ANXA4: variants seen among roughly 807,000 people sequenced by gnomAD.
ANXA4 encodes the protein 35-beta calcimedin.
ANXA4 carries 39 observed loss-of-function variants against 49.8 expected under a neutral mutation model. The ratio of observed to expected loss-of-function variants is 0.78; its 90% CI spans 0.61 to 1.02. The LOEUF (loss-of-function observed/expected upper bound fraction) is 1.02, where lower values mean the gene tolerates loss of function less well. Among genes scored for constraint, ANXA4 ranks in the 50% least tolerant of loss-of-function variants. The pLI is 0.00. For synonymous variants in ANXA4, 134 were observed against 152.5 expected, an observed-to-expected ratio of 0.88 and a Z score of 0.89; for missense variants, 360 against 410.1, an observed-to-expected ratio of 0.88 and a Z score of 1.05.
chr2:69,678,715 C>T (rs1341642751), intron 2 of ANXA4, among the ~76,000 whole-genome samples: 1 of 152,128 alleles, frequency 6.6e-6, no homozygotes, highest in Non-Finnish European at 1.5e-5. Context: ...TCTATTTCTA[C>T]TTTCAACAGA....
rs777450997 is a variant in ANXA4, at chr2:69,648,888, C to CT, written n.481+3998dup. Among the ~76,000 whole-genome samples, 415 of 105,776 alleles carry CT rather than the reference C, an allele frequency of 3.9e-3. 1 individual carries two copies. The highest frequency in any genetic ancestry group is 0.017 in the Middle Eastern group (3 of 174). The allele number at this position is 105,776 out of a possible 152,430, so 69.4% of individuals were successfully genotyped here. On this transcript the variant is annotated intron_variant and non_coding_transcript_variant, in intron 1 of 3. Transcript: ENST00000418066. ...ATTTTTAATTTTCTTTCTTTCTTTT[C>CT]TTTTTTTTTTTTTTTGAGATGGAGT...
At position 69,702,336 on chromosome 2, in the gene ANXA4, A is replaced by G. The variant is rs188401351; in HGVS notation, n.767-18438A>G. Among the ~76,000 whole-genome samples, 8 of 152,202 alleles carry G rather than the reference A, an allele frequency of 5.3e-5. No homozygotes were observed. In the East Asian group the frequency reaches 1.4e-3, roughly 26 times the overall value. On this transcript the variant is annotated intron_variant and non_coding_transcript_variant, in intron 2 of 3. Transcript: ENST00000418066. ...CCTATTTTTTACTTTTTATTATGAAAAAATCCAAAATATATAAATCAAATA... is the reference window on the plus strand; with the variant it reads ...CCTATTTTTTACTTTTTATTATGAAGAAATCCAAAATATATAAATCAAATA...
At chr2:69,739,675 C>T (rs1314642932), upstream of ANXA4, among the ~76,000 whole-genome samples, 2 of 152,044 alleles carry the variant, frequency 1.3e-5, no homozygotes, top group Admixed American at 6.6e-5. Context: ...CCTCCCACCG[C>T]GGCCTTCCAA....
chr2:69,712,585 A>G (rs1365318000), intron 2 of ANXA4, among the ~76,000 whole-genome samples: 2 of 152,172 alleles, frequency 1.3e-5, no homozygotes, highest in African/African-American at 2.4e-5. Context: ...TCAGTAACAA[A>G]TTTGCAATGG....
intron 3 of ANXA4, among the ~76,000 whole-genome samples, chr2:69,722,447 G>A (rs1355372602): frequency 6.6e-6 from 1 of 152,214 alleles, no homozygotes. Context: ...ATAAAGCAGT[G>A]AAGTTCTGAC....
chr2:69,736,167 A>G (rs534063453), intron 3 of ANXA4, among the ~76,000 whole-genome samples: 7 of 152,148 alleles, frequency 4.6e-5, no homozygotes, highest in South Asian at 2.1e-4. Flanking sequence ...AAACCCATCT[A>G]AGAAGCCTAC....
intron 1 of ANXA4, among the ~76,000 whole-genome samples, chr2:69,773,091 T>C (rs1159796191): frequency 7.2e-5 from 11 of 152,328 alleles, no homozygotes; most frequent in Non-Finnish European, 8.8e-5. Flanking sequence ...CAGCTGTCTG[T>C]ATATAAATGT....
At position 69,656,257 on chromosome 2, in the gene ANXA4, ACG is replaced by A. The variant is rs1274988046; in HGVS notation, n.766+2976_766+2977del. Among the ~76,000 whole-genome samples the A allele has an allele frequency of 1.6e-4, 22 of 137,522 alleles. 3 individuals are homozygous for A. The East Asian group carries it at 4.2e-3, about 26-fold the overall frequency. 90.2% of individuals were successfully genotyped at this position (137,522 alleles called of 152,430 possible). A position where few individuals can be genotyped will look rare whatever the true frequency, so the allele number is the denominator to read the frequency against. ...TATATATACGTATATATATGTATAT[ACG>A]TATATATATGTATATACGTATATAT... On this transcript the variant is annotated intron_variant and non_coding_transcript_variant, in intron 2 of 3. Coordinates refer to the ANXA4 transcript ENST00000418066.
intron 2 of ANXA4, among the ~76,000 whole-genome samples, chr2:69,712,844 C>T (rs1307272453): frequency 6.6e-6 from 1 of 152,194 alleles, no homozygotes; most frequent in African/African-American, 2.4e-5. Context: ...GAAGATATCA[C>T]CTAAATCCTA....
At chr2:69,679,802 A>G (rs944506134) in intron 2 of ANXA4, among the ~76,000 whole-genome samples, 9 of 152,176 alleles carry the variant, frequency 5.9e-5, no homozygotes, top group Non-Finnish European at 2.9e-5. Context: ...CTTTGTAGAC[A>G]ATCAGTTGGC....
At chr2:69,655,444 T>C (rs1573057925) in intron 2 of ANXA4, among the ~76,000 whole-genome samples, 1 of 152,280 alleles carries the variant, frequency 6.6e-6, no homozygotes, top group South Asian at 2.1e-4. Flanking sequence ...TCATCACTGG[T>C]CATTAGAGAA....
intron 2 of ANXA4, among the ~76,000 whole-genome samples, chr2:69,696,799 A>C (rs1166932983): frequency 1.3e-5 from 2 of 152,218 alleles, no homozygotes; most frequent in Non-Finnish European, 2.9e-5. Flanking sequence ...CATTGTCAAG[A>C]AGCAGTAATA....
At chr2:69,802,540 G>A (rs1035316020) in intron 3 of ANXA4, among the ~76,000 whole-genome samples, 53 of 151,992 alleles carry the variant, frequency 3.5e-4, no homozygotes, top group African/African-American at 1.2e-3. Context: ...GTGAAACCCC[G>A]TCTCTACTAA....
rs1355191295 is a variant in ANXA4, at chr2:69,697,156, G to A, written n.767-23618G>A. 3.0e-4 allele frequency among the ~76,000 whole-genome samples: 46 copies of A among 152,190 alleles called. 1 individual carries two copies. Among genetic ancestry groups the A allele is most frequent in the Admixed American group, 3.0e-3 (46 of 15,276 alleles). On this transcript the variant is annotated intron_variant and non_coding_transcript_variant, in intron 2 of 3. Transcript: ENST00000418066. Reference sequence around the variant, plus strand: ...ATCTCCATCGAAAATCTATTGTTCAGTGTAGCCACCTTCATCTATGATCTT... The same window carrying A: ...ATCTCCATCGAAAATCTATTGTTCAATGTAGCCACCTTCATCTATGATCTT...
upstream of ANXA4, chr2:69,644,027 C>G (rs1675889617): frequency 2.8e-6 from 1 of 354,174 alleles, no homozygotes; most frequent in Non-Finnish European, 4.1e-6. Flanking sequence ...GACTACAAAT[C>G]CCAGCATACT....
intron 1 of ANXA4, among the ~76,000 whole-genome samples, chr2:69,758,057 A>T (rs529842286): frequency 9.9e-5 from 15 of 151,534 alleles, no homozygotes; most frequent in Non-Finnish European, 1.8e-4. Flanking sequence ...TTTCATCTCT[A>T]TCCCAGTGTA....
At chr2:69,644,165 T>TTCGCGCCCCCCCCCC (rs1553424953), upstream of ANXA4, among the ~76,000 whole-genome samples, 12 of 21,116 alleles carry the variant, frequency 5.7e-4, 4 homozygotes, top group African/African-American at 2.0e-3. Context: ...ACAACTAAGT[T>TTCGCGCCCCCCCCCC]CCCCCCCCCC....
At chr2:69,675,571 T>C (rs1677377204) in intron 2 of ANXA4, among the ~76,000 whole-genome samples, 1 of 152,156 alleles carries the variant, frequency 6.6e-6, no homozygotes, top group Non-Finnish European at 1.5e-5. Flanking sequence ...GTTTAGAGCC[T>C]AAAGCTGAGC....
At chr2:69,748,211 T>TA (rs1053475490) in intron 1 of ANXA4, among the ~76,000 whole-genome samples, 48 of 151,410 alleles carry the variant, frequency 3.2e-4, no homozygotes, top group African/African-American at 1.1e-3. Context: ...CCGTCTCTAC[T>TA]AAAAAAATAC....
Sources: allele counts gnomAD v4.1 joint callset (sites outside exome capture counted in the v4.1 genomes callset), GRCh38; gene constraint gnomAD v4.1.1; transcripts MANE v1.5; gene names NCBI Gene and HGNC (gene_info 2026-07-23, HGNC 2026-07-21).